The following FGGY variants were observed in gnomAD, a reference collection of about 807,000 sequenced individuals.
The protein encoded by FGGY is FGGY carbohydrate kinase domain-containing protein.
In FGGY, 72 loss-of-function variants were observed where a neutral mutation model predicts 71.3. The ratio of observed to expected loss-of-function variants is 1.01; its 90% confidence interval spans 0.84 to 1.23. The LOEUF (loss-of-function observed/expected upper bound fraction) is 1.23. Ranked by LOEUF, FGGY falls within the 50% of genes most tolerant of loss-of-function variation. FGGY has a pLI of 0.00. For missense variants in FGGY, 668 were observed against 682.3 expected (o/e 0.98, Z 0.23); for synonymous variants, 251 against 250.3 (o/e 1.00, Z -0.02).
chr1:59,741,874 G>A (rs1264131320), intron 14 of FGGY, among the ~76,000 whole-genome samples: 1 of 149,788 alleles, frequency 6.7e-6, no homozygotes, highest in Non-Finnish European at 1.5e-5. Flanking sequence ...GGAAGGCAGA[G>A]CTTGCAGTGA....
intron 5 of FGGY, among the ~76,000 whole-genome samples, chr1:59,408,236 T>A (rs1557829832): frequency 6.6e-6 from 1 of 152,300 alleles, no homozygotes; most frequent in East Asian, 1.9e-4. Context: ...GATAGCACAA[T>A]TCCTGGCACC....
chr1:59,507,776 T>C (rs1322709483), intron 6 of FGGY, among the ~76,000 whole-genome samples: 1 of 150,948 alleles, frequency 6.6e-6, no homozygotes, highest in Non-Finnish European at 1.5e-5. Flanking sequence ...CTTTGTGATC[T>C]GCCTGCCTCG....
rs76402341 is a variant in FGGY at position 59,389,343 on chromosome 1, A to C, written c.554+10506A>C. Among the ~76,000 whole-genome samples the C allele has an allele frequency of 3.7e-3, 561 of 152,292 alleles. 18 individuals are homozygous for C. In the East Asian group the frequency reaches 0.063, roughly 17 times the overall value. Reference sequence around the variant, plus strand: ...TAGTATTTATCCTTTTGCGTCTGGCATATTTCACTTAACATAATGTTTTCA... The same window carrying C: ...TAGTATTTATCCTTTTGCGTCTGGCCTATTTCACTTAACATAATGTTTTCA... On this transcript the variant is annotated intron_variant, in intron 5 of 15. Transcript: ENST00000303721.
intron 14 of FGGY, chr1:59,756,013 G>A (rs553009872): frequency 3.3e-5 from 5 of 152,334 alleles, no homozygotes; most frequent in African/African-American, 1.2e-4. Flanking sequence ...ACAATACCCC[G>A]GCTTGCTCTA....
intron 5 of FGGY, among the ~76,000 whole-genome samples, chr1:59,440,661 A>G (rs2069614737): frequency 6.8e-6 from 1 of 147,346 alleles, no homozygotes; most frequent in Non-Finnish European, 1.5e-5. Flanking sequence ...CCTTGCATCT[A>G]GTGTGCAGTG....
At chr1:59,494,548 G>A (rs139449994) in intron 6 of FGGY, among the ~76,000 whole-genome samples, 11 of 152,308 alleles carry the variant, frequency 7.2e-5, no homozygotes, top group African/African-American at 2.6e-4. Flanking sequence ...AGCAGCCAAA[G>A]CTTTCCTAGG....
chr1:59,539,708 A>G (rs951470286), intron 7 of FGGY, among the ~76,000 whole-genome samples: 24 of 152,212 alleles, frequency 1.6e-4, no homozygotes, highest in Admixed American at 1.4e-3. Flanking sequence ...TAAATAGGAC[A>G]TTAATGTAAG....
At chr1:59,652,542 C>A (rs1426159073) in intron 11 of FGGY, among the ~76,000 whole-genome samples, 2 of 144,514 alleles carry the variant, frequency 1.4e-5, no homozygotes, top group Admixed American at 1.4e-4. Context: ...CAGTTGATCG[C>A]ATCGGCTCCT....
chr1:59,383,355 C>T (rs1571383074), intron 5 of FGGY, among the ~76,000 whole-genome samples: 1 of 152,110 alleles, frequency 6.6e-6, no homozygotes, highest in South Asian at 2.1e-4. Context: ...TAGGATGTGA[C>T]ACTGAGTGAG....
chr1:59,439,688 C>A (rs536331573), intron 5 of FGGY, among the ~76,000 whole-genome samples: 1 of 152,284 alleles, frequency 6.6e-6, no homozygotes, highest in East Asian at 1.9e-4. Context: ...AGATGAAAAG[C>A]AGCTGCTTTT....
In FGGY at chr1:59,567,954, C is replaced by T. The variant is rs572254229; in HGVS notation, c.903+13727C>T. On this transcript the variant is annotated intron_variant, in intron 8 of 15. Coordinates refer to ENST00000303721, the MANE Select transcript of FGGY (RefSeq NM_018291.5). Reference sequence around the variant, plus strand: ...TTCCGTGCTATCCCTCACCATTCATCCTGTGTTCTAGCAGGTGCATCTGCA... The same window carrying T: ...TTCCGTGCTATCCCTCACCATTCATTCTGTGTTCTAGCAGGTGCATCTGCA... 2.0e-5 allele frequency among the ~76,000 whole-genome samples: 3 copies of T among 151,554 alleles called. No individual in the cohort carries two copies. The East Asian group carries it at 5.8e-4, about 29-fold the overall frequency.
At chr1:59,590,824 C>T (rs1482878784) in intron 8 of FGGY, among the ~76,000 whole-genome samples, 2 of 152,088 alleles carry the variant, frequency 1.3e-5, no homozygotes, top group East Asian at 3.9e-4. Context: ...AAACCCACAG[C>T]CAATATCATA....
chr1:59,355,831 A>G (rs74869115), intron 4 of FGGY, among the ~76,000 whole-genome samples: 3,724 of 151,760 alleles, frequency 0.025, 170 homozygotes, highest in African/African-American at 0.086. Flanking sequence ...AAGGGCACTC[A>G]TTTCTTCCCA....
intron 9 of FGGY, among the ~76,000 whole-genome samples, chr1:59,624,454 T>A (rs2096838365): frequency 6.6e-6 from 1 of 152,200 alleles, no homozygotes; most frequent in Admixed American, 6.5e-5. Context: ...TTAGTACTGA[T>A]GTATGGGAAA....
At chr1:59,419,915 G>A (rs757298711) in intron 5 of FGGY, among the ~76,000 whole-genome samples, 3 of 152,098 alleles carry the variant, frequency 2.0e-5, no homozygotes, top group Non-Finnish European at 4.4e-5. Flanking sequence ...TATGGTAAAT[G>A]CTGCTAAGCT....
At chr1:59,308,040 G>T (rs1180398105) in intron 1 of FGGY, among the ~76,000 whole-genome samples, 1 of 152,322 alleles carries the variant, frequency 6.6e-6, no homozygotes, top group Admixed American at 6.5e-5. Flanking sequence ...TGCTTACCGT[G>T]TGCAGCTAGC....
At chr1:59,364,599 A>G (rs1331056908) in intron 4 of FGGY, among the ~76,000 whole-genome samples, 1 of 152,238 alleles carries the variant, frequency 6.6e-6, no homozygotes, top group East Asian at 1.9e-4. Flanking sequence ...GAGATATTTA[A>G]TAAAAAACAT....
intron 6 of FGGY, among the ~76,000 whole-genome samples, chr1:59,507,684 A>ATTTTTTTTTTTTTTTTTTTTTTTTTTTTT (rs561953004): frequency 1.6e-4 from 17 of 106,908 alleles, no homozygotes; most frequent in African/African-American, 3.3e-4. Flanking sequence ...TGCTTGGCTA[A>ATTTTTTTTTTTTTTTTTTTTTTTTTTTTT]TTTTTTTTTT....
chr1:59,679,587 C>T (rs2097474941), intron 14 of FGGY, among the ~76,000 whole-genome samples: 1 of 151,500 alleles, frequency 6.6e-6, no homozygotes, highest in Admixed American at 6.6e-5. Context: ...AAACATTGAT[C>T]TTGTTATCCT....
Sources: allele counts gnomAD v4.1 joint callset (sites outside exome capture counted in the v4.1 genomes callset), GRCh38; gene constraint gnomAD v4.1.1; transcripts MANE v1.5; gene names NCBI Gene and HGNC (gene_info 2026-07-23, HGNC 2026-07-21).